Variants in RBM15B observed in about 807,000 individuals in gnomAD.
RBM15B encodes the protein RNA binding motif protein 15B, also known as putative RNA-binding protein 15B.
In RBM15B, 11 loss-of-function variants were observed where a neutral mutation model predicts 53.3. The ratio of observed to expected loss-of-function variants is 0.21; its 90% CI spans 0.13 to 0.34. RBM15B has a LOEUF of 0.34. RBM15B is among the 10% of genes least tolerant of loss of function. The probability of loss-of-function intolerance (pLI) is 1.00; values close to 1 mark genes in which losing one functional copy is unlikely to be tolerated. For synonymous variants in RBM15B, 631 were observed against 540.7 expected, an observed-to-expected ratio of 1.17 and a Z score of -2.32; for missense variants, 1,136 against 1,250.3, an observed-to-expected ratio of 0.91 and a Z score of 1.38.
chr3:51,391,627 G>C lies in RBM15B; in HGVS notation c.228G>C (p.Ala76=), dbSNP rs1472020442. 8.4e-7 allele frequency: 1 copy of C among 1,187,802 alleles called. No individual in the cohort carries two copies. The highest frequency in any genetic ancestry group is 1.6e-5 in the African/African-American group (1 of 62,408). 73.6% of individuals were successfully genotyped at this position (1,187,802 alleles called of 1,614,324 possible). The change falls in exon 1 of 1, where the codon GCG becomes GCC. Residue 76 remains alanine, a synonymous_variant. Transcript: ENST00000563281. This position sits in a 1 kb window ranked among gnomAD's most constrained non-coding sequence, Gnocchi z 4.5. ...GHRDGRGTGD[A]NHRASSGRSS... is the part of the protein sequence containing the mutation. ...GCGACGGCCGCGGCACCGGGGACGC[G>C]AATCACCGCGCGAGTAGCGGGCGCT... is the stretch of plus-strand genomic sequence containing the variant.
rs1379063606 is a variant in RBM15B at position 51,391,703 on chromosome 3, G to C, written c.304G>C (p.Asp102His). 8.8e-6 allele frequency: 12 copies of C among 1,360,688 alleles called. No individual in the cohort carries two copies. The Admixed American group carries it at 4.2e-4, about 48-fold the overall frequency. The allele number at this position is 1,360,688 out of a possible 1,614,324, so 84.3% of individuals were successfully genotyped here. ...GGGRGGKASGDPGASGMSPRA... is the reference protein window; with the variant it reads ...GGGRGGKASGHPGASGMSPRA... Reference sequence around the variant, plus strand: ...GGGACGCGGCGGCAAGGCCTCGGGGGACCCGGGCGCCTCCGGCATGTCGCC... The same window carrying C: ...GGGACGCGGCGGCAAGGCCTCGGGGCACCCGGGCGCCTCCGGCATGTCGCC... The change falls in exon 1 of 1, where the codon GAC (aspartate) becomes CAC (histidine). Residue 102 changes from aspartate to histidine, a missense_variant. By Grantham distance (81) the Asp-to-His change is moderately conservative (BLOSUM62 -1). Coordinates refer to ENST00000563281, the MANE Select transcript of RBM15B (RefSeq NM_013286.5). The surrounding 1 kb of genome is among the most constrained non-coding windows in gnomAD (Gnocchi z 4.5).
In RBM15B at chr3:51,391,864, C is replaced by A. The variant is rs13100976; in HGVS notation, c.465C>A (p.Leu155=). The A allele has an allele frequency of 2.5e-6, 4 of 1,603,732 alleles. No individual in the cohort carries two copies. The highest frequency in any genetic ancestry group is 3.4e-6 in the Non-Finnish European group (4 of 1,179,428). Residue 155 remains leucine (L), a synonymous_variant, in exon 1 of 1, where the codon CTC becomes CTA. Transcript: ENST00000563281. The surrounding 1 kb of genome is among the most constrained non-coding windows in gnomAD (Gnocchi z 4.5). ...SLSPALPAEH[L]EDRLFHQFKR... ...GCCCCGCGCTGCCCGCCGAGCACCT[C>A]GAGGACCGGCTCTTCCACCAGTTCA...
chr3:51,393,325 T>G lies in RBM15B; in HGVS notation c.1926T>G (p.Ser642Arg). ...GCAGCCGCAAGGAGAACCACTCCAG[T>G]GAAGGGACCAAGGAGTCCAGCAGCA... ...PERSRKENHS[S>R]EGTKESSSNS... Residue 642 changes from serine to arginine, a missense_variant, in exon 1 of 1, where the codon AGT (serine) becomes AGG (arginine). Coordinates refer to ENST00000563281, the MANE Select transcript of RBM15B (RefSeq NM_013286.5). This position sits in a 1 kb window ranked among gnomAD's most constrained non-coding sequence, Gnocchi z 5.6. 1.9e-6 allele frequency: 3 copies of G among 1,610,578 alleles called. No homozygotes were observed. The highest frequency in any genetic ancestry group is 2.5e-6 in the Non-Finnish European group (3 of 1,178,570).
rs2089290721 is a variant in RBM15B at position 51,397,617 on chromosome 3, CCTCT to C, written c.*3551_*3554del. 6.0e-6 allele frequency: 1 copy of C among 167,138 alleles called. No homozygotes were observed. Among genetic ancestry groups the C allele is most frequent in the Non-Finnish European group, 1.5e-5 (1 of 68,156 alleles). The allele number at this position is 167,138 out of a possible 1,614,324, so 10.4% of individuals were successfully genotyped here. A position where few individuals can be genotyped will look rare whatever the true frequency, so the allele number is the denominator to read the frequency against. ...GCGTCCACAGGGAACAAAGCCCTGACCTCTCTCTCCACATTACCCTTACAAAAAC... is the reference window on the plus strand; with the variant it reads ...GCGTCCACAGGGAACAAAGCCCTGACCTCTCCACATTACCCTTACAAAAAC... On this transcript the variant is annotated 3_prime_UTR_variant, in exon 1 of 1. Transcript: ENST00000563281.
In RBM15B at chr3:51,392,640, C is replaced by T; in HGVS notation, c.1241C>T (p.Ala414Val). ...CCCATTAAGATAGGCTATGGCAAGG[C>T]CAACCCCACCACTCGTCTCTGGGTG... ...RNPIKIGYGK[A>V]NPTTRLWVGG... Residue 414 changes from alanine to valine, a missense_variant, in exon 1 of 1, where the codon GCC becomes GTC. Ala to Val is a moderately conservative substitution (Grantham distance 64). This residue lies in a region of RBM15B where 45 missense variants were observed against 80.7 expected (regional missense o/e 0.56). Transcript: ENST00000563281. The surrounding 1 kb of genome is among the most constrained non-coding windows in gnomAD (Gnocchi z 7.5). The T allele has an allele frequency of 1.9e-6, 3 of 1,614,132 alleles. No individual in the cohort carries two copies. The highest frequency in any genetic ancestry group is 2.5e-6 in the Non-Finnish European group (3 of 1,180,048).
chr3:51,391,653 C>T lies in RBM15B; in HGVS notation c.254C>T (p.Ser85Phe), dbSNP rs1469523308. ...AATCACCGCGCGAGTAGCGGGCGCTCCTCGGGCTCCGGCGCTGGCGGCGGG... is the reference window on the plus strand; with the variant it reads ...AATCACCGCGCGAGTAGCGGGCGCTTCTCGGGCTCCGGCGCTGGCGGCGGG... ...DANHRASSGR[S>F]SGSGAGGGGR... Residue 85 changes from serine (S) to phenylalanine (F), a missense_variant, in exon 1 of 1, where the codon TCC becomes TTC. Physicochemically the swap from Ser to Phe is radical, Grantham distance 155. Coordinates refer to ENST00000563281, the MANE Select transcript of RBM15B (RefSeq NM_013286.5). This position sits in a 1 kb window ranked among gnomAD's most constrained non-coding sequence, Gnocchi z 4.5. The T allele has an allele frequency of 1.1e-5, 13 of 1,200,374 alleles. No individual in the cohort carries two copies. The highest frequency in any genetic ancestry group is 4.1e-5 in the South Asian group (1 of 24,300). 74.4% of individuals were successfully genotyped at this position (1,200,374 alleles called of 1,614,324 possible).
Position 51,393,287 on chromosome 3 carries a change from C to G in RBM15B, c.1888C>G (p.Arg630Gly). 1 of 1,610,930 alleles carries G rather than the reference C, an allele frequency of 6.2e-7. No individual in the cohort carries two copies. Among genetic ancestry groups the G allele is most frequent in the Non-Finnish European group, 8.5e-7 (1 of 1,178,718 alleles). Residue 630 changes from arginine (R) to glycine (G), a missense_variant, in exon 1 of 1, where the codon CGC becomes GGC. Arg to Gly is a moderately radical substitution (Grantham distance 125). This residue lies in a region of RBM15B where 578 missense variants were observed against 581.6 expected (regional missense o/e 0.99). Coordinates refer to ENST00000563281, the MANE Select transcript of RBM15B (RefSeq NM_013286.5). This position sits in a 1 kb window ranked among gnomAD's most constrained non-coding sequence, Gnocchi z 5.6. Reference protein sequence around the residue: ...SGQQSERGSDRTPERSRKENH... With the variant: ...SGQQSERGSDGTPERSRKENH... Reference sequence around the variant, plus strand: ...GCAGCAGTCAGAGCGGGGCTCCGACCGCACCCCTGAGCGCAGCCGCAAGGA... The same window carrying G: ...GCAGCAGTCAGAGCGGGGCTCCGACGGCACCCCTGAGCGCAGCCGCAAGGA...
Position 51,391,940 on chromosome 3 carries a change from C to A in RBM15B, c.541C>A (p.Arg181Ser). The stretch of plus-strand genomic sequence containing the variant: ...CCTGTCGCACACGCCTGAGCTGGGC[C>A]GTGTGGCCTACGTGAATTTCCGGCA... ...LRLSHTPELG[R>S]VAYVNFRHPQ... Residue 181 changes from arginine (R) to serine (S), a missense_variant, in exon 1 of 1, where the codon CGT becomes AGT. Coordinates refer to ENST00000563281, the MANE Select transcript of RBM15B (RefSeq NM_013286.5). This position sits in a 1 kb window ranked among gnomAD's most constrained non-coding sequence, Gnocchi z 4.5. 1 of 1,602,464 alleles carries A rather than the reference C, an allele frequency of 6.2e-7. No individual in the cohort carries two copies. The highest frequency in any genetic ancestry group is 1.3e-5 in the African/African-American group (1 of 74,736).
In RBM15B at chr3:51,392,786, T is replaced by G; in HGVS notation, c.1387T>G (p.Leu463Val). The change falls in exon 1 of 1, where the codon TTG becomes GTG. Residue 463 changes from leucine (L) to valine (V), a missense_variant. By Grantham distance (32) the Leu-to-Val change is conservative. Transcript: ENST00000563281. The surrounding 1 kb of genome is among the most constrained non-coding windows in gnomAD (Gnocchi z 7.5). ...DSFAYIQYESLDAAQAACAKM... is the reference protein window; with the variant it reads ...DSFAYIQYESVDAAQAACAKM... ...CTTTGCCTATATTCAGTACGAGAGC[T>G]TGGACGCAGCCCAGGCCGCCTGTGC... is the stretch of plus-strand genomic sequence containing the variant. 1 of 1,614,144 alleles carries G rather than the reference T, an allele frequency of 6.2e-7. No homozygotes were observed. Among genetic ancestry groups the G allele is most frequent in the Non-Finnish European group, 8.5e-7 (1 of 1,180,034 alleles).
Position 51,396,385 on chromosome 3 carries a change from C to T in RBM15B, c.*2313C>T, listed in dbSNP as rs2089205883. 6.0e-6 allele frequency: 1 copy of T among 167,756 alleles called. No individual in the cohort carries two copies. The highest frequency in any genetic ancestry group is 2.1e-4 in the South Asian group (1 of 4,830). The allele number at this position is 167,756 out of a possible 1,614,324, so 10.4% of individuals were successfully genotyped here. ...TTTCCTGGCCCTCAACCACTTCCTT[C>T]CTTTGGCTCTTAAGACCTAGCAGGT... On this transcript the variant is annotated 3_prime_UTR_variant, in exon 1 of 1. Transcript: ENST00000563281.
chr3:51,395,754 CATG>C lies in RBM15B; in HGVS notation c.*1683_*1685del, dbSNP rs2089159898. On this transcript the variant is annotated 3_prime_UTR_variant, in exon 1 of 1. Coordinates refer to ENST00000563281, the MANE Select transcript of RBM15B (RefSeq NM_013286.5). Reference sequence around the variant, plus strand: ...GGCTCACTGCAGGCTGTGGAGAGGTCATGCTGGTCCACAGGAACACTTGGCAGT... The same window carrying C: ...GGCTCACTGCAGGCTGTGGAGAGGTCCTGGTCCACAGGAACACTTGGCAGT... The C allele has an allele frequency of 1.7e-5, 7 of 413,348 alleles. No individual in the cohort carries two copies. Among genetic ancestry groups the C allele is most frequent in the Non-Finnish European group, 3.1e-5 (7 of 226,150 alleles). The allele number at this position is 413,348 out of a possible 1,614,324, so 25.6% of individuals were successfully genotyped here. A position where few individuals can be genotyped will look rare whatever the true frequency, so the allele number is the denominator to read the frequency against.
In RBM15B at chr3:51,393,577, G is replaced by A. The variant is rs1553622010; in HGVS notation, c.2178G>A (p.Leu726=). 2 of 1,614,050 alleles carry A rather than the reference G, an allele frequency of 1.2e-6. No individual in the cohort carries two copies. The highest frequency in any genetic ancestry group is 1.3e-5 in the African/African-American group (1 of 74,938). Reference sequence around the variant, plus strand: ...TACAGCTGGGTTGGAATGGGCTTCTGGTGTTGAAAAACAGCTGCTTCCCCA... The same window carrying A: ...TACAGCTGGGTTGGAATGGGCTTCTAGTGTTGAAAAACAGCTGCTTCCCCA... ...QTLQLGWNGL[L]VLKNSCFPTS... Residue 726 remains leucine (L), a synonymous_variant, in exon 1 of 1, where the codon CTG becomes CTA. Transcript: ENST00000563281. The surrounding 1 kb of genome is among the most constrained non-coding windows in gnomAD (Gnocchi z 5.6).
Position 51,395,541 on chromosome 3 carries a change from T to C in RBM15B, c.*1469T>C. 1 of 363,002 alleles carries C rather than the reference T, an allele frequency of 2.8e-6. No individual in the cohort carries two copies. Among genetic ancestry groups the C allele is most frequent in the Non-Finnish European group, 5.1e-6 (1 of 194,650 alleles). The allele number at this position is 363,002 out of a possible 1,614,324, so 22.5% of individuals were successfully genotyped here. The stretch of plus-strand genomic sequence containing the variant: ...AAATGCCATTCTTCAGCGTGTCTGG[T>C]ACCTTGGATGTTCAAACAGGGAACA... On this transcript the variant is annotated 3_prime_UTR_variant, in exon 1 of 1. Transcript: ENST00000563281.
At position 51,391,588 on chromosome 3, in the gene RBM15B, C is replaced by T. The variant is rs1338571612; in HGVS notation, c.189C>T (p.Gly63=). Residue 63 remains glycine, a synonymous_variant, in exon 1 of 1, where the codon GGC becomes GGT. Transcript: ENST00000563281. This position sits in a 1 kb window ranked among gnomAD's most constrained non-coding sequence, Gnocchi z 4.5. ...ACAAACCCCGCGGCAGCGGAAGCGG[C>T]GGGGGCGGGCATCGCGACGGCCGCG... is the stretch of plus-strand genomic sequence containing the variant. ...ARDKPRGSGS[G]GGGHRDGRGT... 8.5e-7 allele frequency: 1 copy of T among 1,178,166 alleles called. No individual in the cohort carries two copies. Among genetic ancestry groups the T allele is most frequent in the Non-Finnish European group, 1.0e-6 (1 of 953,894 alleles). 73.0% of individuals were successfully genotyped at this position (1,178,166 alleles called of 1,614,324 possible).
rs1325323764 is a variant in RBM15B at position 51,393,842 on chromosome 3, G to A, written c.2443G>A (p.Gly815Ser). 2.5e-6 allele frequency: 4 copies of A among 1,599,534 alleles called. No individual in the cohort carries two copies. The highest frequency in any genetic ancestry group is 1.8e-5 in the Admixed American group (1 of 56,466). ...GTEGMPTVEPGLQRRLLRNLV... is the reference protein window; with the variant it reads ...GTEGMPTVEPSLQRRLLRNLV... ...TGAGGGGATGCCCACAGTAGAGCCC[G>A]GTCTGCAGAGGCGGCTTCTCAGGAA... The change falls in exon 1 of 1, where the codon GGT becomes AGT. Residue 815 changes from glycine to serine, a missense_variant. This residue lies in a region of RBM15B where 578 missense variants were observed against 581.6 expected (regional missense o/e 0.99). Coordinates refer to ENST00000563281, the MANE Select transcript of RBM15B (RefSeq NM_013286.5). The surrounding 1 kb of genome is among the most constrained non-coding windows in gnomAD (Gnocchi z 5.6).
chr3:51,393,194 C>T lies in RBM15B; in HGVS notation c.1795C>T (p.Leu599Phe), dbSNP rs2089069113. Reference sequence around the variant, plus strand: ...GGAAGAGAGGCGGAAACGGAGAAGCCTTTCCAGTGACCGTGGGAGGACAAC... The same window carrying T: ...GGAAGAGAGGCGGAAACGGAGAAGCTTTTCCAGTGACCGTGGGAGGACAAC... ...PWEERRKRRS[L>F]SSDRGRTTHS... is the part of the protein sequence containing the mutation. The change falls in exon 1 of 1, where the codon CTT becomes TTT. Residue 599 changes from leucine to phenylalanine, a missense_variant. By Grantham distance (22) the Leu-to-Phe change is conservative. This residue lies in a region of RBM15B where 578 missense variants were observed against 581.6 expected (regional missense o/e 0.99). Transcript: ENST00000563281. This position sits in a 1 kb window ranked among gnomAD's most constrained non-coding sequence, Gnocchi z 5.6. The T allele has an allele frequency of 6.2e-7, 1 of 1,613,936 alleles. No homozygotes were observed. Among genetic ancestry groups the T allele is most frequent in the Non-Finnish European group, 8.5e-7 (1 of 1,179,890 alleles).
Position 51,391,459 on chromosome 3 carries a change from C to T in RBM15B, c.60C>T (p.Ala20=). 1 of 1,266,426 alleles carries T rather than the reference C, an allele frequency of 7.9e-7. No homozygotes were observed. The highest frequency in any genetic ancestry group is 3.4e-5 in the East Asian group (1 of 28,990). 78.4% of individuals were successfully genotyped at this position (1,266,426 alleles called of 1,614,324 possible). A position where few individuals can be genotyped will look rare whatever the true frequency, so the allele number is the denominator to read the frequency against. Residue 20 remains alanine, a synonymous_variant, in exon 1 of 1, where the codon GCC becomes GCT. Transcript: ENST00000563281. The surrounding 1 kb of genome is among the most constrained non-coding windows in gnomAD (Gnocchi z 4.5). ...GCGGGCGCGGCTCGTCATCGTCCGC[C>T]AAGCGTCCGCGGGAGCGCGAACGGG... ...SPSGRGSSSS[A]KRPREREREA...
At position 51,391,504 on chromosome 3, in the gene RBM15B, G is replaced by GCGGGCGGCGCACAAGGCCT; in HGVS notation, c.107_125dup (p.Lys46GlnfsTer43). 8.2e-7 allele frequency: 1 copy of GCGGGCGGCGCACAAGGCCT among 1,221,108 alleles called. No individual in the cohort carries two copies. Among genetic ancestry groups the GCGGGCGGCGCACAAGGCCT allele is most frequent in the Non-Finnish European group, 1.0e-6 (1 of 981,256 alleles). The allele number at this position is 1,221,108 out of a possible 1,614,324, so 75.6% of individuals were successfully genotyped here. A position where few individuals can be genotyped will look rare whatever the true frequency, so the allele number is the denominator to read the frequency against. ...AACGGGAGGCGGAGGCGGGCGGGCG[G>GCGGGCGGCGCACAAGGCCT]CGGGCGGCGCACAAGGCCTCTGGCG... On this transcript the variant is annotated frameshift_variant, in exon 1 of 1. Coordinates refer to ENST00000563281, the MANE Select transcript of RBM15B (RefSeq NM_013286.5). LOFTEE classifies it high-confidence loss of function. This position sits in a 1 kb window ranked among gnomAD's most constrained non-coding sequence, Gnocchi z 4.5.
In RBM15B at chr3:51,394,877, C is replaced by T. The variant is rs1158789666; in HGVS notation, c.*805C>T. The T allele has an allele frequency of 6.0e-6, 1 of 167,148 alleles. No homozygotes were observed. Among genetic ancestry groups the T allele is most frequent in the Non-Finnish European group, 1.5e-5 (1 of 68,198 alleles). 10.4% of individuals were successfully genotyped at this position (167,148 alleles called of 1,614,324 possible). On this transcript the variant is annotated 3_prime_UTR_variant, in exon 1 of 1. Transcript: ENST00000563281. ...TCGGGGCCCCTGATCTGTCCAGGCT[C>T]CTGGTTCGGCCTACTTTCTAGCCTC...
Sources: allele counts gnomAD v4.1 joint callset, GRCh38; gene constraint gnomAD v4.1.1; regional missense constraint gnomAD v4.1.1; non-coding constraint Gnocchi (gnomAD v3.1); transcripts MANE v1.5; gene names NCBI Gene and HGNC (gene_info 2026-07-23, HGNC 2026-07-21).